Variants in MTPN observed in about 807,000 individuals in gnomAD.
MTPN encodes granule cell differentiation protein.
Under a neutral mutation model 13.5 loss-of-function variants are expected in MTPN, and 2 were observed. The observed-to-expected ratio is 0.15, with a 90% confidence interval of 0.06 to 0.47. MTPN has a LOEUF of 0.47. MTPN is among the 20% of genes least tolerant of loss of function. The pLI is 0.97. For missense variants in MTPN, 79 were observed against 137.9 expected (o/e 0.57, Z 2.14); for synonymous variants, 46 against 51.7 (o/e 0.89, Z 0.48).
At chr7:135,933,389 A>G (rs1799057492) in intron 3 of MTPN, among the ~76,000 whole-genome samples, 1 of 152,116 alleles carries the variant, frequency 6.6e-6, no homozygotes, top group East Asian at 1.9e-4. Context: ...AACGATATTT[A>G]TTTAAACCTG....
chr7:135,939,951 C>T (rs1799182815), intron 3 of MTPN, among the ~76,000 whole-genome samples: 1 of 152,144 alleles, frequency 6.6e-6, no homozygotes, highest in Non-Finnish European at 1.5e-5. Flanking sequence ...TTAGTGAACA[C>T]AAGCATCCAA....
chr7:135,953,704 G>A (rs1239858339), intron 1 of MTPN, among the ~76,000 whole-genome samples: 3 of 152,128 alleles, frequency 2.0e-5, no homozygotes, highest in East Asian at 3.9e-4. Context: ...AGCATTAAGG[G>A]AACTAAATTA....
chr7:135,930,058 G>A (rs768777199), intron 3 of MTPN, 46 bp from the exon 4 acceptor site: 7 of 1,520,940 alleles, frequency 4.6e-6, no homozygotes, highest in Non-Finnish European at 6.4e-6. Context: ...CACAACTGGG[G>A]GAAGGGAATG....
At position 135,937,489 on chromosome 7, in the gene MTPN, A is replaced by G. The variant is rs374695231; in HGVS notation, c.271-7477T>C. Among the ~76,000 whole-genome samples, 5 of 151,954 alleles carry G rather than the reference A, an allele frequency of 3.3e-5. No individual in the cohort carries two copies. The East Asian group carries it at 9.6e-4, about 29-fold the overall frequency. On this transcript the variant is annotated intron_variant, in intron 3 of 3. Coordinates refer to ENST00000393085, the MANE Select transcript of MTPN (RefSeq NM_145808.4). ...CTGTGTGTGAGGGGGATTGGTTCCT[A>G]ACTCCCTCTTGGATACCCAAATCCC...
chr7:135,968,341 CTT>C (rs2116405054), intron 1 of MTPN, among the ~76,000 whole-genome samples: 1 of 152,082 alleles, frequency 6.6e-6, no homozygotes, highest in East Asian at 1.9e-4. Context: ...AAATATGGCT[CTT>C]TGCCCTTCAC....
intron 1 of MTPN, among the ~76,000 whole-genome samples, chr7:135,971,016 T>C (rs1799686078): frequency 6.6e-6 from 1 of 152,146 alleles, no homozygotes; most frequent in African/African-American, 2.4e-5. Context: ...CTCTTTTAAA[T>C]TGGCTATTTT....
chr7:135,939,684 G>A (rs954741632), intron 3 of MTPN, among the ~76,000 whole-genome samples: 3 of 148,734 alleles, frequency 2.0e-5, no homozygotes, highest in Non-Finnish European at 3.0e-5. Context: ...AGACTTTCTC[G>A]TTTAGATCAT....
At chr7:135,940,041 AATT>A (rs1369222065) in intron 3 of MTPN, among the ~76,000 whole-genome samples, 1 of 152,156 alleles carries the variant, frequency 6.6e-6, no homozygotes, top group African/African-American at 2.4e-5. Context: ...GAATACTGTC[AATT>A]ATTTTGAATC....
intron 1 of MTPN, among the ~76,000 whole-genome samples, chr7:135,969,238 T>TAAAAAAAAAAA (rs57871609): frequency 9.2e-5 from 10 of 108,920 alleles, no homozygotes; most frequent in East Asian, 2.4e-4. Flanking sequence ...TAAAGTATAA[T>TAAAAAAAAAAA]AAAAAAAAAA....
chr7:135,938,863 C>G (rs1187966058), intron 3 of MTPN, among the ~76,000 whole-genome samples: 4 of 152,186 alleles, frequency 2.6e-5, no homozygotes, highest in Non-Finnish European at 5.9e-5. Context: ...GGGTTGGATG[C>G]TGGTAAGGCT....
intron 3 of MTPN, among the ~76,000 whole-genome samples, chr7:135,937,124 T>C (rs1799127111): frequency 6.6e-6 from 1 of 152,096 alleles, no homozygotes; most frequent in Admixed American, 6.5e-5. Flanking sequence ...CATGTAAAAA[T>C]AGGCCAAGAA....
At chr7:135,963,165 C>T (rs900335733) in intron 1 of MTPN, among the ~76,000 whole-genome samples, 5 of 152,018 alleles carry the variant, frequency 3.3e-5, no homozygotes, top group Admixed American at 2.6e-4. Flanking sequence ...ATTTCAGTTA[C>T]AGTTACGTAT....
Position 135,949,854 on chromosome 7 carries a change from G to A in MTPN, c.270+745C>T, listed in dbSNP as rs929060872. ...TGTTTTTCTCTTGCTTCTTTTAGTA[G>A]GGCTTAAGATCCCAAATGAAATATT... On this transcript the variant is annotated intron_variant, in intron 3 of 3. Coordinates refer to ENST00000393085, the MANE Select transcript of MTPN (RefSeq NM_145808.4). Among the ~76,000 whole-genome samples the A allele has an allele frequency of 2.0e-5, 3 of 152,218 alleles. No homozygotes were observed. The South Asian group carries it at 6.2e-4, about 32-fold the overall frequency.
At chr7:135,956,051 G>C (rs1799439621) in intron 1 of MTPN, among the ~76,000 whole-genome samples, 1 of 152,058 alleles carries the variant, frequency 6.6e-6, no homozygotes, top group South Asian at 2.1e-4. Context: ...AGTACAACCA[G>C]GCATGAAAAG....
intron 1 of MTPN, among the ~76,000 whole-genome samples, chr7:135,969,283 GAAAA>G (rs1362909866): frequency 7.2e-6 from 1 of 138,652 alleles, no homozygotes; most frequent in African/African-American, 2.6e-5. Flanking sequence ...GAAATTACTA[GAAAA>G]AATATTAAAC....
chr7:135,929,189 A>C lies in MTPN; in HGVS notation c.*737T>G, dbSNP rs1266207743. ...AATGTATGAATCTAGAGGAGAAAAA[A>C]ATATGCATACTGGAATGGTTTCTCC... On this transcript the variant is annotated 3_prime_UTR_variant, in exon 4 of 4. Coordinates refer to ENST00000393085, the MANE Select transcript of MTPN (RefSeq NM_145808.4). 3 of 167,062 alleles carry C rather than the reference A, an allele frequency of 1.8e-5. No individual in the cohort carries two copies. The East Asian group carries it at 5.8e-4, about 32-fold the overall frequency. 10.3% of individuals were successfully genotyped at this position (167,062 alleles called of 1,614,324 possible).
In MTPN at chr7:135,977,118, C is replaced by T. The variant is rs778600410; in HGVS notation, c.-18G>A. ...TCGCACATCACTGCAGCGGGGCAGG[C>T]CGGTTGGCCGGGCAGAAGATGAGGA... is the stretch of plus-strand genomic sequence containing the variant. On this transcript the variant is annotated 5_prime_UTR_variant, in exon 1 of 4. Coordinates refer to ENST00000393085, the MANE Select transcript of MTPN (RefSeq NM_145808.4). 1.2e-6 allele frequency: 2 copies of T among 1,613,890 alleles called. No individual in the cohort carries two copies. Among genetic ancestry groups the T allele is most frequent in the Admixed American group, 1.7e-5 (1 of 60,024 alleles).
intron 1 of MTPN, among the ~76,000 whole-genome samples, chr7:135,957,565 T>A (rs989003459): frequency 6.6e-6 from 1 of 152,144 alleles, no homozygotes; most frequent in African/African-American, 2.4e-5. Flanking sequence ...GAGTTCCATG[T>A]CAGAGGAGAA....
In MTPN at chr7:135,928,199, T is replaced by C. The variant is rs1287792348; in HGVS notation, c.*1727A>G. The C allele has an allele frequency of 6.0e-6, 1 of 167,396 alleles. No individual in the cohort carries two copies. Among genetic ancestry groups the C allele is most frequent in the African/African-American group, 2.4e-5 (1 of 41,430 alleles). 10.4% of individuals were successfully genotyped at this position (167,396 alleles called of 1,614,324 possible). On this transcript the variant is annotated 3_prime_UTR_variant, in exon 4 of 4. Transcript: ENST00000393085. The stretch of plus-strand genomic sequence containing the variant: ...CAACAAAGTATTTAAACCACTACTT[T>C]GTGATTGTTTTCTTGGATGTAGGAA...
Sources: gnomAD v4.1 joint callset for allele counts (sites outside exome capture counted in the v4.1 genomes callset) on GRCh38, gnomAD v4.1.1 for gene constraint, MANE v1.5 for transcripts, NCBI Gene and HGNC (gene_info 2026-07-23, HGNC 2026-07-21) for gene names.